The following MPPED1 variants were observed in gnomAD, a reference collection of about 807,000 sequenced individuals.
The protein encoded by MPPED1 is metallophosphoesterase domain-containing protein 1.
MPPED1 carries 16 observed loss-of-function variants against 36.2 expected under a neutral mutation model. The ratio of observed to expected loss-of-function variants is 0.44; its 90% confidence interval spans 0.30 to 0.67. The LOEUF is 0.67. Ranked by LOEUF, MPPED1 falls within the 30% of genes least tolerant of loss-of-function variation. The pLI, the probability that MPPED1 is intolerant of heterozygous loss-of-function variation, is 0.10. For synonymous variants in MPPED1, 199 were observed against 191.3 expected (o/e 1.04, Z -0.33); for missense variants, 307 against 453.4 (o/e 0.68, Z 2.93).
rs542703098 is a variant in MPPED1 at position 43,484,771 on chromosome 22, G to A, written c.632+9810G>A. Among the ~76,000 whole-genome samples the A allele has an allele frequency of 4.6e-5, 7 of 152,274 alleles. No individual in the cohort carries two copies. In the East Asian group the frequency reaches 1.4e-3, roughly 29 times the overall value. ...TCTAGGGCAGGTGTGAGCCCCGCCT[G>A]AGCCTCTCAGGGAAACGGCTGCTTG... On this transcript the variant is annotated intron_variant, in intron 4 of 6. Transcript: ENST00000443721.
chr22:43,448,246 G>C (rs1014177781), intron 3 of MPPED1, among the ~76,000 whole-genome samples: 5 of 152,206 alleles, frequency 3.3e-5, no homozygotes, highest in African/African-American at 4.8e-5. Context: ...CTTCCTGAGA[G>C]AGTGGAGAAG....
chr22:43,468,547 C>T lies in MPPED1; in HGVS notation c.407-6189C>T, dbSNP rs1168985082. Among the ~76,000 whole-genome samples, 6 of 152,342 alleles carry T rather than the reference C, an allele frequency of 3.9e-5. No homozygotes were observed. In the East Asian group the frequency reaches 9.6e-4, roughly 24 times the overall value. On this transcript the variant is annotated intron_variant, in intron 3 of 6. Coordinates refer to ENST00000443721, the MANE Select transcript of MPPED1 (RefSeq NM_001044370.2). ...ATCTCTGAGGCAGGAGGCCAGGGTT[C>T]AAGTCCTAGCTCTCTCCACTGTCTC...
chr22:43,459,244 C>T (rs570636732), intron 3 of MPPED1, among the ~76,000 whole-genome samples: 38 of 152,114 alleles, frequency 2.5e-4, no homozygotes, highest in African/African-American at 8.4e-4. Flanking sequence ...ACGATGCCAG[C>T]TAATTTTTGT....
rs576128853 is a variant in MPPED1, at chr22:43,424,904, T to A, written c.-78-4T>A. On this transcript the variant is annotated splice_region_variant and splice_polypyrimidine_tract_variant and intron_variant, in intron 1 of 6. Coordinates refer to ENST00000443721, the MANE Select transcript of MPPED1 (RefSeq NM_001044370.2). ...TGTCGCACGGTTCTGCTCCGTCTCC[T>A]CAGTCTGTTTCCAGGTCTGGCGGGG... 4.6e-6 allele frequency: 7 copies of A among 1,531,046 alleles called. No homozygotes were observed. Among genetic ancestry groups the A allele is most frequent in the Non-Finnish European group, 6.1e-6 (7 of 1,141,372 alleles). The allele number at this position is 1,531,046 out of a possible 1,614,324, so 94.8% of individuals were successfully genotyped here. A position where few individuals can be genotyped will look rare whatever the true frequency, so the allele number is the denominator to read the frequency against.
chr22:43,444,589 C>T (rs1207936486), intron 3 of MPPED1, among the ~76,000 whole-genome samples: 1 of 152,052 alleles, frequency 6.6e-6, no homozygotes, highest in Non-Finnish European at 1.5e-5. Flanking sequence ...TCTTGAACTC[C>T]TGAACTCAGG....
At chr22:43,456,517 C>G (rs554981970) in intron 3 of MPPED1, among the ~76,000 whole-genome samples, 1 of 152,268 alleles carries the variant, frequency 6.6e-6, no homozygotes, top group South Asian at 2.1e-4. Flanking sequence ...TGTTTAGAGA[C>G]AGTGTCTTGC....
chr22:43,463,337 T>C (rs886447052), intron 3 of MPPED1, among the ~76,000 whole-genome samples: 80 of 149,196 alleles, frequency 5.4e-4, no homozygotes, highest in African/African-American at 1.7e-3. Flanking sequence ...TTTTCTTTTT[T>C]TTTTTTTTTT....
rs695374 is a variant in MPPED1, at chr22:43,463,807, TTTTCTTTCTTTCTTTCTTTCTTTCTTTC to T, written c.407-10887_407-10860del. 1.6e-3 allele frequency among the ~76,000 whole-genome samples: 180 copies of T among 113,002 alleles called. 2 individuals are homozygous for T. Among genetic ancestry groups the T allele is most frequent in the South Asian group, 0.011 (36 of 3,254 alleles). 74.1% of individuals were successfully genotyped at this position (113,002 alleles called of 152,430 possible). Reference sequence around the variant, plus strand: ...ACTGTGGTTGATTTTTCATTTTTTCTTTTCTTTCTTTCTTTCTTTCTTTCTTTCTTTCTTTCTTTCTTTCTTTCTTTCT... The same window carrying T: ...ACTGTGGTTGATTTTTCATTTTTTCTTTTCTTTCTTTCTTTCTTTCTTTCT... On this transcript the variant is annotated intron_variant, in intron 3 of 6. Coordinates refer to ENST00000443721, the MANE Select transcript of MPPED1 (RefSeq NM_001044370.2).
At chr22:43,450,283 C>T (rs140929162) in intron 3 of MPPED1, among the ~76,000 whole-genome samples, 8 of 152,210 alleles carry the variant, frequency 5.3e-5, no homozygotes, top group East Asian at 1.9e-4. Context: ...GGCCCCCTCC[C>T]GGTCCTGCCT....
chr22:43,495,312 T>A (rs1015215449), intron 4 of MPPED1, among the ~76,000 whole-genome samples: 5 of 138,954 alleles, frequency 3.6e-5, no homozygotes, highest in Admixed American at 7.1e-5. Context: ...ATGGTGGTGA[T>A]GGTGGTGGTG....
intron 3 of MPPED1, among the ~76,000 whole-genome samples, chr22:43,452,654 G>A (rs974227179): frequency 9.2e-5 from 14 of 152,166 alleles, no homozygotes; most frequent in Non-Finnish European, 7.4e-5. Context: ...TTTTGAGACA[G>A]AGTCTTGTTT....
chr22:43,428,209 C>G (rs115311319), intron 2 of MPPED1, among the ~76,000 whole-genome samples: 1 of 152,138 alleles, frequency 6.6e-6, no homozygotes, highest in Non-Finnish European at 1.5e-5. Flanking sequence ...GAGCAGGCCC[C>G]GCAAGGATTC....
chr22:43,484,181 T>A (rs1030613651), intron 4 of MPPED1, among the ~76,000 whole-genome samples: 1 of 152,210 alleles, frequency 6.6e-6, no homozygotes, highest in African/African-American at 2.4e-5. Flanking sequence ...TTTGGGCAGG[T>A]GAGGCAAAGA....
intron 3 of MPPED1, among the ~76,000 whole-genome samples, chr22:43,442,422 C>T (rs1301391565): frequency 6.6e-6 from 1 of 152,150 alleles, no homozygotes; most frequent in Non-Finnish European, 1.5e-5. Flanking sequence ...CCCGTGGCTG[C>T]CCCTTCTGAC....
chr22:43,463,340 T>G (rs560407747), intron 3 of MPPED1, among the ~76,000 whole-genome samples: 1 of 149,840 alleles, frequency 6.7e-6, no homozygotes, highest in Non-Finnish European at 1.5e-5. Context: ...TCTTTTTTTT[T>G]TTTTTTTTTG....
At chr22:43,486,925 G>C (rs1366357627) in intron 4 of MPPED1, among the ~76,000 whole-genome samples, 8 of 152,160 alleles carry the variant, frequency 5.3e-5, no homozygotes, top group Non-Finnish European at 1.0e-4. Flanking sequence ...GTCTCAGAGA[G>C]TTCTCGTGAC....
At chr22:43,504,228 T>C (rs959895784) in intron 6 of MPPED1, among the ~76,000 whole-genome samples, 4 of 151,884 alleles carry the variant, frequency 2.6e-5, no homozygotes, top group Admixed American at 2.6e-4. Flanking sequence ...ATGATGATAA[T>C]GGTGATGATG....
chr22:43,471,107 C>T (rs112944725), intron 3 of MPPED1, among the ~76,000 whole-genome samples: 3,118 of 152,336 alleles, frequency 0.02, 54 homozygotes, highest in African/African-American at 0.043. Context: ...TTCTGCGCTC[C>T]GCCCAATCCC....
chr22:43,433,687 G>A (rs1179584676), intron 2 of MPPED1, among the ~76,000 whole-genome samples: 2 of 152,078 alleles, frequency 1.3e-5, no homozygotes, highest in African/African-American at 4.8e-5. Flanking sequence ...GCGCTAGTGC[G>A]CCCTGCACAT....
Sources: gnomAD v4.1 joint callset for allele counts (sites outside exome capture counted in the v4.1 genomes callset) on GRCh38, gnomAD v4.1.1 for gene constraint, MANE v1.5 for transcripts, NCBI Gene and HGNC (gene_info 2026-07-23, HGNC 2026-07-21) for gene names.